Variants in CLASP1 observed in about 807,000 individuals in gnomAD.
CLASP1 encodes the protein cytoplasmic linker associated protein 1, also known as CLIP-associating protein 1.
CLASP1 carries 38 observed loss-of-function variants against 192.3 expected under a neutral mutation model. The ratio of observed to expected loss-of-function variants is 0.20; its 90% CI spans 0.15 to 0.26. The LOEUF is 0.26. Ranked by LOEUF, CLASP1 falls within the 10% of genes least tolerant of loss-of-function variation. The pLI, the probability that CLASP1 is intolerant of heterozygous loss-of-function variation, is 1.00. For synonymous variants in CLASP1, 691 were observed against 712.8 expected, an observed-to-expected ratio of 0.97 and a Z score of 0.49; for missense variants, 1,433 against 1,932.5, an observed-to-expected ratio of 0.74 and a Z score of 4.85.
At chr2:121,590,251 T>G (rs979011024) in intron 2 of CLASP1, among the ~76,000 whole-genome samples, 3 of 152,142 alleles carry the variant, frequency 2.0e-5, no homozygotes, top group Non-Finnish European at 4.4e-5. Context: ...GAACCAGCAA[T>G]TCAGCCTTTC....
intron 9 of CLASP1, 124 bp from the exon 10 acceptor site, chr2:121,462,729 G>C: frequency 1.6e-6 from 1 of 629,882 alleles, no homozygotes; most frequent in Non-Finnish European, 2.8e-6. Flanking sequence ...TTTTTTAAAA[G>C]GCTTCATATA....
At chr2:121,614,963 A>G (rs1195114936) in intron 1 of CLASP1, among the ~76,000 whole-genome samples, 3 of 152,250 alleles carry the variant, frequency 2.0e-5, no homozygotes, top group Non-Finnish European at 4.4e-5. Context: ...ATGGATTAAG[A>G]AGGCTTGGAA....
intron 6 of CLASP1, among the ~76,000 whole-genome samples, chr2:121,518,173 G>A (rs1469258084): frequency 6.9e-6 from 1 of 144,042 alleles, no homozygotes; most frequent in Non-Finnish European, 1.5e-5. Context: ...AGAGGTTGCA[G>A]TGAGCTGAGA....
At chr2:121,403,531 G>A (rs1290950077) in intron 26 of CLASP1, 4 of 456,348 alleles carry the variant, frequency 8.8e-6, no homozygotes, top group African/African-American at 6.0e-5. Flanking sequence ...TAGGAAAACT[G>A]TAGTTGATCC....
chr2:121,507,119 T>C (rs757746564), intron 7 of CLASP1, among the ~76,000 whole-genome samples: 5 of 152,202 alleles, frequency 3.3e-5, no homozygotes, highest in Admixed American at 6.5e-5. Context: ...ATACATTGCC[T>C]TAACTCAATG....
intron 7 of CLASP1, among the ~76,000 whole-genome samples, chr2:121,506,798 A>C (rs1575536801): frequency 6.6e-6 from 1 of 152,238 alleles, no homozygotes; most frequent in Non-Finnish European, 1.5e-5. Flanking sequence ...ATGTTTAAGG[A>C]AATCTCTGTT....
chr2:121,342,754 T>C (rs913243374), intron 39 of CLASP1, among the ~76,000 whole-genome samples: 5 of 152,026 alleles, frequency 3.3e-5, no homozygotes, highest in African/African-American at 4.8e-5. Flanking sequence ...ACTGGCAACA[T>C]AGCGAGACCC....
At chr2:121,391,447 A>C (rs985914477) in intron 30 of CLASP1, among the ~76,000 whole-genome samples, 1 of 152,252 alleles carries the variant, frequency 6.6e-6, no homozygotes, top group African/African-American at 2.4e-5. Flanking sequence ...GGCTTCTTAG[A>C]TAAAATCAGC....
intron 2 of CLASP1, among the ~76,000 whole-genome samples, chr2:121,582,394 A>G (rs1439287031): frequency 6.7e-6 from 1 of 149,174 alleles, no homozygotes; most frequent in Non-Finnish European, 1.5e-5. Flanking sequence ...GGATGGATGG[A>G]TGAATGGATG....
At chr2:121,355,934 A>G (rs1009327801) in intron 37 of CLASP1, among the ~76,000 whole-genome samples, 1 of 152,262 alleles carries the variant, frequency 6.6e-6, no homozygotes, top group Non-Finnish European at 1.5e-5. Flanking sequence ...TTCACCTTTC[A>G]AAGTCAGTGA....
At chr2:121,460,290 C>T (rs1164302423) in intron 11 of CLASP1, among the ~76,000 whole-genome samples, 165 bp from the exon 12 acceptor site, 2 of 152,076 alleles carry the variant, frequency 1.3e-5, no homozygotes, top group Admixed American at 1.3e-4. Context: ...ATACAATAAA[C>T]AAATCTACAT....
chr2:121,403,448 G>T, intron 26 of CLASP1: 1 of 456,690 alleles, frequency 2.2e-6, no homozygotes, highest in South Asian at 1.5e-5. Context: ...AGATGATGAT[G>T]ACTAACTGGC....
intron 1 of CLASP1, among the ~76,000 whole-genome samples, chr2:121,637,668 C>A (rs908144615): frequency 6.6e-6 from 1 of 151,994 alleles, no homozygotes; most frequent in African/African-American, 2.4e-5. Flanking sequence ...GGTGGATCAC[C>A]CAAGGTGAAG....
At chr2:121,509,748 G>T (rs372965762) in intron 7 of CLASP1, among the ~76,000 whole-genome samples, 1 of 152,220 alleles carries the variant, frequency 6.6e-6, no homozygotes, top group African/African-American at 2.4e-5. Flanking sequence ...TGAGGCACAA[G>T]AATTGCTTGA....
chr2:121,470,157 G>A (rs1342452375), intron 8 of CLASP1, 197 bp from the exon 9 acceptor site: 3 of 650,692 alleles, frequency 4.6e-6, no homozygotes, highest in Non-Finnish European at 8.3e-6. Flanking sequence ...GATCATACTT[G>A]CTTTCACATA....
chr2:121,452,600 G>A (rs543382563), intron 14 of CLASP1, among the ~76,000 whole-genome samples: 2 of 152,166 alleles, frequency 1.3e-5, no homozygotes, highest in African/African-American at 4.8e-5. Flanking sequence ...AGACCAGCCT[G>A]GCTAACATGG....
intron 19 of CLASP1, among the ~76,000 whole-genome samples, chr2:121,430,639 TAA>T (rs2081235599): frequency 1.3e-5 from 2 of 151,404 alleles, no homozygotes; most frequent in African/African-American, 2.4e-5. Flanking sequence ...AAACCCAAAA[TAA>T]AAAAGTCTAC....
At chr2:121,557,681 CT>C in intron 2 of CLASP1, among the ~76,000 whole-genome samples, 1 of 151,840 alleles carries the variant, frequency 6.6e-6, no homozygotes, top group Middle Eastern at 3.4e-3. Context: ...CTGTAGAACC[CT>C]GGAGATGGAG....
intron 8 of CLASP1, among the ~76,000 whole-genome samples, chr2:121,493,647 T>C (rs1205702034): frequency 6.6e-6 from 1 of 151,658 alleles, no homozygotes; most frequent in African/African-American, 2.4e-5. Flanking sequence ...ATCAACAAAG[T>C]GTAAGACAAC....
Sources: gnomAD v4.1 joint callset for allele counts (sites outside exome capture counted in the v4.1 genomes callset) on GRCh38, gnomAD v4.1.1 for gene constraint, MANE v1.5 for transcripts, NCBI Gene and HGNC (gene_info 2026-07-23, HGNC 2026-07-21) for gene names.